AFG1L: variants seen among roughly 807,000 people sequenced by gnomAD.
AFG1L encodes the protein AFG1 like ATPase.
In AFG1L, 53 loss-of-function variants were observed where a neutral mutation model predicts 62.2. That is an observed-to-expected ratio of 0.85 (90% confidence interval 0.68 to 1.07). The LOEUF is 1.07. Among genes scored for constraint, AFG1L ranks in the 50% least tolerant of loss-of-function variants. AFG1L has a pLI of 0.00. For synonymous variants in AFG1L, 228 were observed against 210.3 expected, an observed-to-expected ratio of 1.08 and a Z score of -0.73; for missense variants, 555 against 590.5, an observed-to-expected ratio of 0.94 and a Z score of 0.62.
At chr6:108,443,814 GCAGT>G (rs1441087234) in intron 7 of AFG1L, among the ~76,000 whole-genome samples, 8 of 151,948 alleles carry the variant, frequency 5.3e-5, no homozygotes, top group African/African-American at 1.9e-4. Flanking sequence ...GGAGAAGGTT[GCAGT>G]GAGCCAAGAT....
intron 5 of AFG1L, among the ~76,000 whole-genome samples, chr6:108,366,006 A>T (rs1303459377): frequency 6.6e-6 from 1 of 152,154 alleles, no homozygotes; most frequent in Non-Finnish European, 1.5e-5. Flanking sequence ...TCATAGAACC[A>T]TTTGGTAATT....
chr6:108,422,289 G>A (rs1174860425), intron 7 of AFG1L, among the ~76,000 whole-genome samples: 1 of 151,668 alleles, frequency 6.6e-6, no homozygotes, highest in Non-Finnish European at 1.5e-5. Flanking sequence ...TCTTGAGAAA[G>A]CATTGCATTT....
At chr6:108,308,682 A>C (rs947148431) in intron 1 of AFG1L, among the ~76,000 whole-genome samples, 2 of 151,528 alleles carry the variant, frequency 1.3e-5, no homozygotes, top group African/African-American at 4.8e-5. Flanking sequence ...AAGAAGTTCT[A>C]AATTTTATTT....
chr6:108,383,827 A>C (rs1780645960), intron 6 of AFG1L, among the ~76,000 whole-genome samples: 1 of 152,158 alleles, frequency 6.6e-6, no homozygotes, highest in Admixed American at 6.5e-5. Context: ...ATGAAAGATC[A>C]AAGAAAAAAT....
At chr6:108,400,612 A>T (rs1217722052) in intron 6 of AFG1L, among the ~76,000 whole-genome samples, 1 of 133,780 alleles carries the variant, frequency 7.5e-6, no homozygotes, top group Non-Finnish European at 1.6e-5. Context: ...TTTATATATA[A>T]TAATTTATAT....
intron 6 of AFG1L, among the ~76,000 whole-genome samples, chr6:108,395,947 A>G (rs558442902): frequency 1.1e-4 from 16 of 152,060 alleles, no homozygotes; most frequent in Non-Finnish European, 1.5e-4. Flanking sequence ...GGTTCAAGCA[A>G]TCCTCCTACC....
Position 108,524,668 on chromosome 6 carries a change from G to A in AFG1L, c.*2243G>A, listed in dbSNP as rs1562213990. ...CGCAATCTCCTTCCCCAGTTCCAGG[G>A]GCCTGCTGGGATTGGCTGCAGTGGA... On this transcript the variant is annotated 3_prime_UTR_variant, in exon 13 of 13. Transcript: ENST00000368977. The A allele has an allele frequency of 6.6e-6, 1 of 152,200 alleles. No individual in the cohort carries two copies. The highest frequency in any genetic ancestry group is 6.6e-5 in the Admixed American group (1 of 15,258). The allele number at this position is 152,200 out of a possible 1,614,324, so 9.4% of individuals were successfully genotyped here.
In AFG1L at chr6:108,356,820, G is replaced by A; in HGVS notation, c.648G>A (p.Gln216=). 6.2e-7 allele frequency: 1 copy of A among 1,606,994 alleles called. No individual in the cohort carries two copies. The highest frequency in any genetic ancestry group is 8.5e-7 in the Non-Finnish European group (1 of 1,177,738). The change falls in exon 5 of 13, where the codon CAG becomes CAA. Residue 216 remains glutamine, a splice_region_variant and synonymous_variant. Coordinates refer to ENST00000368977, the MANE Select transcript of AFG1L (RefSeq NM_145315.5). ...GTCTCCTATGTTTTGATGAATTTCA[G>A]GTAAAGTAGAGATTTTTCATAGATA... The part of the protein sequence containing the change: ...EACLLCFDEF[Q]VTDIADAMIL...
chr6:108,418,874 A>G (rs1472674285), intron 7 of AFG1L, among the ~76,000 whole-genome samples: 3 of 152,226 alleles, frequency 2.0e-5, no homozygotes, highest in African/African-American at 7.2e-5. Context: ...TATTTTGAAC[A>G]GAAGAATAGT....
intron 6 of AFG1L, among the ~76,000 whole-genome samples, chr6:108,373,351 T>A (rs1780097084): frequency 6.6e-6 from 1 of 152,198 alleles, no homozygotes; most frequent in South Asian, 2.1e-4. Flanking sequence ...GCATCCATGT[T>A]GCTGCAAAAG....
chr6:108,399,478 G>T (rs187845620), intron 6 of AFG1L, among the ~76,000 whole-genome samples: 3 of 151,678 alleles, frequency 2.0e-5, no homozygotes. Context: ...GCACCACAGC[G>T]CCTGGCCATC....
At chr6:108,316,287 A>G (rs1312078806) in intron 1 of AFG1L, among the ~76,000 whole-genome samples, 7 of 134,082 alleles carry the variant, frequency 5.2e-5, no homozygotes, top group Admixed American at 3.1e-4. Context: ...AGGCTGAGGC[A>G]GGAGAATGGC....
chr6:108,324,101 T>TA, intron 2 of AFG1L, 53 bp downstream of exon 2: 1 of 1,320,664 alleles, frequency 7.6e-7, no homozygotes, highest in Admixed American at 2.0e-5. Flanking sequence ...AAGCATTTTC[T>TA]AAAATGGATG....
chr6:108,512,273 C>T (rs765893999), intron 11 of AFG1L, among the ~76,000 whole-genome samples: 5 of 152,086 alleles, frequency 3.3e-5, no homozygotes, highest in East Asian at 1.9e-4. Flanking sequence ...TGGGATGGGC[C>T]GAATGTGAAA....
intron 6 of AFG1L, 75 bp from the exon 7 acceptor site, chr6:108,401,921 A>AT: frequency 1.5e-6 from 1 of 687,058 alleles, no homozygotes; most frequent in South Asian, 1.9e-5. Context: ...AGAAAGCTTT[A>AT]TTTGCCAGGC....
At chr6:108,370,597 G>T (rs1779959945) in intron 6 of AFG1L, among the ~76,000 whole-genome samples, 1 of 152,110 alleles carries the variant, frequency 6.6e-6, no homozygotes, top group African/African-American at 2.4e-5. Flanking sequence ...CAGGTACAAG[G>T]TGATGGCAAT....
chr6:108,460,640 A>G (rs1772420575), intron 8 of AFG1L, among the ~76,000 whole-genome samples: 1 of 151,980 alleles, frequency 6.6e-6, no homozygotes, highest in Non-Finnish European at 1.5e-5. Context: ...CTATGTTGCC[A>G]AGGCTAGTCT....
At chr6:108,422,607 C>G (rs369603177) in intron 7 of AFG1L, among the ~76,000 whole-genome samples, 73 of 151,316 alleles carry the variant, frequency 4.8e-4, no homozygotes, top group African/African-American at 1.6e-3. Context: ...AATAGCATCT[C>G]TAAGTAAGTT....
chr6:108,301,703 T>G (rs1267925612), intron 1 of AFG1L, among the ~76,000 whole-genome samples: 1 of 152,158 alleles, frequency 6.6e-6, no homozygotes, highest in Non-Finnish European at 1.5e-5. Flanking sequence ...ATAAATAAAA[T>G]TATCCCAAGT....
Sources: allele counts gnomAD v4.1 joint callset (sites outside exome capture counted in the v4.1 genomes callset), GRCh38; gene constraint gnomAD v4.1.1; transcripts MANE v1.5; gene names NCBI Gene and HGNC (gene_info 2026-07-23, HGNC 2026-07-21).